Variants in ELAVL4 observed in about 807,000 individuals in gnomAD.
The protein encoded by ELAVL4 is ELAV like RNA binding protein 4, also known as ELAV-like protein 4.
In ELAVL4, 1 loss-of-function variant was observed where a neutral mutation model predicts 35.6. That is an observed-to-expected ratio of 0.03 (90% CI 0.01 to 0.13). ELAVL4 has a LOEUF of 0.13. ELAVL4 is among the 10% of genes least tolerant of loss of function. The pLI, the probability that ELAVL4 is intolerant of heterozygous loss-of-function variation, is 1.00. For synonymous variants in ELAVL4, 156 were observed against 171.0 expected (o/e 0.91, Z 0.69); for missense variants, 267 against 464.9 (o/e 0.57, Z 3.91).
chr1:50,168,920 A>T (rs1190674010), intron 2 of ELAVL4, among the ~76,000 whole-genome samples: 1 of 150,926 alleles, frequency 6.6e-6, no homozygotes, highest in African/African-American at 2.4e-5. Flanking sequence ...AGGGTTCTTT[A>T]GAGGGATAGA....
intron 1 of ELAVL4, among the ~76,000 whole-genome samples, chr1:50,084,854 T>C (rs927740830): frequency 2.0e-5 from 3 of 152,212 alleles, no homozygotes; most frequent in Admixed American, 2.0e-4. Flanking sequence ...TTCATAGCAC[T>C]TCTTATAACT....
At chr1:50,188,665 G>GCC (rs1682203426) in intron 3 of ELAVL4, among the ~76,000 whole-genome samples, 1 of 152,210 alleles carries the variant, frequency 6.6e-6, no homozygotes, top group South Asian at 2.1e-4. Flanking sequence ...AGCAGAGCCT[G>GCC]CCCCCATAAG....
At chr1:50,085,366 C>A (rs139401461) in intron 1 of ELAVL4, among the ~76,000 whole-genome samples, 664 of 152,294 alleles carry the variant, frequency 4.4e-3, no homozygotes, top group Middle Eastern at 0.01. Context: ...GTAGCCAGTG[C>A]CATGGCGTAC....
intron 2 of ELAVL4, among the ~76,000 whole-genome samples, chr1:50,158,660 G>A (rs943348024): frequency 1.3e-5 from 2 of 152,208 alleles, no homozygotes; most frequent in Non-Finnish European, 2.9e-5. Flanking sequence ...ATTCTGTCCT[G>A]TGTCTAGATT....
intron 2 of ELAVL4, among the ~76,000 whole-genome samples, chr1:50,150,412 C>T (rs1674571460): frequency 6.6e-6 from 1 of 152,222 alleles, no homozygotes; most frequent in South Asian, 2.1e-4. Flanking sequence ...GAATTTACAA[C>T]TCTAATTAAA....
At chr1:50,128,498 T>A (rs1670319285) in intron 1 of ELAVL4, among the ~76,000 whole-genome samples, 1 of 152,088 alleles carries the variant, frequency 6.6e-6, no homozygotes, top group Non-Finnish European at 1.5e-5. Context: ...TCCCTGGGAT[T>A]ACAAATGAAT....
chr1:50,130,336 T>C (rs957182255), intron 1 of ELAVL4, among the ~76,000 whole-genome samples: 5 of 152,146 alleles, frequency 3.3e-5, no homozygotes, highest in African/African-American at 1.2e-4. Flanking sequence ...CCTAGTTAAG[T>C]GACAGTGGAC....
chr1:50,104,445 A>T (rs1235634753), upstream of ELAVL4, among the ~76,000 whole-genome samples: 1 of 152,230 alleles, frequency 6.6e-6, no homozygotes, highest in East Asian at 1.9e-4. Context: ...CTCCCCAGTT[A>T]AAAATTGTCA....
chr1:50,110,256 C>T (rs1195281046), intron 1 of ELAVL4, among the ~76,000 whole-genome samples: 1 of 152,136 alleles, frequency 6.6e-6, no homozygotes, highest in African/African-American at 2.4e-5. Context: ...CAATCAATGT[C>T]ACCGTCACTG....
intron 1 of ELAVL4, among the ~76,000 whole-genome samples, chr1:50,067,279 T>C (rs778346484): frequency 3.5e-4 from 53 of 152,170 alleles, no homozygotes; most frequent in Admixed American, 5.9e-4. Flanking sequence ...CAATCAAATA[T>C]GTTCGTATTC....
chr1:50,090,163 C>A (rs749629435), intron 1 of ELAVL4, among the ~76,000 whole-genome samples: 1 of 152,136 alleles, frequency 6.6e-6, no homozygotes, highest in East Asian at 1.9e-4. Flanking sequence ...TTATGTATGA[C>A]AACTGAGTCT....
At chr1:50,058,535 A>T in intron 1 of ELAVL4, among the ~76,000 whole-genome samples, 1 of 152,142 alleles carries the variant, frequency 6.6e-6, no homozygotes, top group East Asian at 1.9e-4. Context: ...AAAAAGTAAA[A>T]ATGACTTCAC....
At chr1:50,167,408 A>G (rs897542529) in intron 2 of ELAVL4, among the ~76,000 whole-genome samples, 1 of 152,184 alleles carries the variant, frequency 6.6e-6, no homozygotes, top group African/African-American at 2.4e-5. Flanking sequence ...CGGCAGAAGC[A>G]TTGTGTGCAG....
At chr1:50,142,024 T>C (rs945311094) in intron 1 of ELAVL4, among the ~76,000 whole-genome samples, 1 of 152,250 alleles carries the variant, frequency 6.6e-6, no homozygotes, top group African/African-American at 2.4e-5. Flanking sequence ...ATAATAGTTA[T>C]GATGCCTCTG....
chr1:50,066,018 A>G (rs1262928916), intron 1 of ELAVL4, among the ~76,000 whole-genome samples: 1 of 152,212 alleles, frequency 6.6e-6, no homozygotes, highest in East Asian at 1.9e-4. Flanking sequence ...GCCAAAGCAG[A>G]TGACAAGACC....
At chr1:50,190,884 C>T (rs934839357) in intron 3 of ELAVL4, among the ~76,000 whole-genome samples, 2 of 152,170 alleles carry the variant, frequency 1.3e-5, no homozygotes, top group Admixed American at 6.5e-5. Flanking sequence ...CATTTGTCCT[C>T]GTGACAGAGG....
At chr1:50,165,028 G>A (rs1677494397) in intron 2 of ELAVL4, among the ~76,000 whole-genome samples, 1 of 152,174 alleles carries the variant, frequency 6.6e-6, no homozygotes, top group Non-Finnish European at 1.5e-5. Context: ...CAAAGGATGT[G>A]TCAGTGAGAA....
intron 2 of ELAVL4, among the ~76,000 whole-genome samples, chr1:50,163,950 A>G (rs1677272215): frequency 6.6e-6 from 1 of 152,160 alleles, no homozygotes; most frequent in Admixed American, 6.5e-5. Flanking sequence ...CAGAAAGTAC[A>G]CTGGCTCTAG....
chr1:50,082,980 C>G (rs1025660748), intron 1 of ELAVL4, among the ~76,000 whole-genome samples: 1 of 152,132 alleles, frequency 6.6e-6, no homozygotes, highest in Non-Finnish European at 1.5e-5. Flanking sequence ...ATGGGGATTA[C>G]CCTGGGATTT....
Sources: gnomAD v4.1 joint callset for allele counts (sites outside exome capture counted in the v4.1 genomes callset) on GRCh38, gnomAD v4.1.1 for gene constraint, MANE v1.5 for transcripts, NCBI Gene and HGNC (gene_info 2026-07-23, HGNC 2026-07-21) for gene names.